The following JAKMIP2 variants were observed in gnomAD, a reference collection of about 807,000 sequenced individuals.
The protein encoded by JAKMIP2 is janus kinase and microtubule-interacting protein 2.
Under a neutral mutation model 115.0 loss-of-function variants are expected in JAKMIP2, and 25 were observed. The observed-to-expected ratio is 0.22, with a 90% CI of 0.16 to 0.30. The LOEUF (loss-of-function observed/expected upper bound fraction) is 0.30. Ranked by LOEUF, JAKMIP2 falls within the 10% of genes least tolerant of loss-of-function variation. The pLI is 1.00. For missense variants in JAKMIP2, 642 were observed against 957.6 expected, an observed-to-expected ratio of 0.67 and a Z score of 4.35; for synonymous variants, 334 against 343.6, an observed-to-expected ratio of 0.97 and a Z score of 0.31.
intron 2 of JAKMIP2, among the ~76,000 whole-genome samples, chr5:147,663,740 C>T (rs1441681115): frequency 2.0e-5 from 3 of 152,118 alleles, no homozygotes; most frequent in East Asian, 1.9e-4. Flanking sequence ...CAATTATTCC[C>T]ATGATGGTTA....
At chr5:147,612,534 A>G (rs1756385325) in intron 19 of JAKMIP2, among the ~76,000 whole-genome samples, 163 bp from the exon 20 acceptor site, 1 of 152,218 alleles carries the variant, frequency 6.6e-6, no homozygotes, top group African/African-American at 2.4e-5. Flanking sequence ...AACATGTTGC[A>G]TGTTTCAGAA....
rs537362347 is a variant in JAKMIP2, at chr5:147,590,840, A to G, written c.*867T>C. On this transcript the variant is annotated 3_prime_UTR_variant, in exon 22 of 22. Transcript: ENST00000616793. ...TATCATCTTCTTAGTTTTCAATATG[A>G]ATGAGATCAGTCCATTGTTGATAGA... is the stretch of plus-strand genomic sequence containing the variant. 1 of 152,328 alleles carries G rather than the reference A, an allele frequency of 6.6e-6. No individual in the cohort carries two copies. The highest frequency in any genetic ancestry group is 6.5e-5 in the Admixed American group (1 of 15,296). The allele number at this position is 152,328 out of a possible 1,614,324, so 9.4% of individuals were successfully genotyped here.
intron 3 of JAKMIP2, among the ~76,000 whole-genome samples, chr5:147,654,725 C>G (rs1758588889): frequency 6.6e-6 from 1 of 152,046 alleles, no homozygotes; most frequent in African/African-American, 2.4e-5. Context: ...GCCTGATTAC[C>G]CTGGCCAGAG....
chr5:147,648,529 G>T, intron 4 of JAKMIP2, 55 bp from the exon 5 acceptor site: 1 of 963,040 alleles, frequency 1.0e-6, no homozygotes, highest in South Asian at 1.3e-5. Flanking sequence ...CACAAAGTTT[G>T]GGAATATCAC....
chr5:147,605,327 A>G (rs1299284258), intron 20 of JAKMIP2, among the ~76,000 whole-genome samples: 1 of 149,570 alleles, frequency 6.7e-6, no homozygotes, highest in African/African-American at 2.5e-5. Context: ...CTCCTGCCTC[A>G]GCCTCTCCAG....
At chr5:147,782,328 T>C (rs1755791024) in intron 1 of JAKMIP2, 128 bp downstream of exon 1, 3 of 909,806 alleles carry the variant, frequency 3.3e-6, no homozygotes, top group Admixed American at 2.0e-5. Context: ...TCCTCATCTC[T>C]GTCTCCACAT....
intron 2 of JAKMIP2, among the ~76,000 whole-genome samples, chr5:147,664,292 C>T (rs1364601302): frequency 6.6e-6 from 1 of 152,106 alleles, no homozygotes; most frequent in Non-Finnish European, 1.5e-5. Context: ...GTTTTCCTTA[C>T]GTATCTGCTC....
At chr5:147,771,042 T>C (rs1251051988) in intron 1 of JAKMIP2, among the ~76,000 whole-genome samples, 1 of 152,166 alleles carries the variant, frequency 6.6e-6, no homozygotes, top group Non-Finnish European at 1.5e-5. Flanking sequence ...AAGCAGAGCG[T>C]TGCTGTCCTT....
At chr5:147,677,172 A>G (rs1760013193) in intron 1 of JAKMIP2, among the ~76,000 whole-genome samples, 1 of 152,198 alleles carries the variant, frequency 6.6e-6, no homozygotes, top group South Asian at 2.1e-4. Context: ...GATATGTAGT[A>G]CCTATGACAC....
chr5:147,768,675 A>G (rs1049448581), intron 1 of JAKMIP2, among the ~76,000 whole-genome samples: 1 of 152,152 alleles, frequency 6.6e-6, no homozygotes, highest in African/African-American at 2.4e-5. Flanking sequence ...ACAATGCGTA[A>G]TAAACAGCAT....
At chr5:147,591,999 A>C (rs185089100) in intron 21 of JAKMIP2, among the ~76,000 whole-genome samples, 4 of 152,306 alleles carry the variant, frequency 2.6e-5, no homozygotes, top group Admixed American at 2.6e-4. Context: ...ATAGCTAAGA[A>C]GTTAAATTGA....
intron 4 of JAKMIP2, among the ~76,000 whole-genome samples, chr5:147,649,421 T>C (rs1758285536): frequency 6.6e-6 from 1 of 152,174 alleles, no homozygotes; most frequent in South Asian, 2.1e-4. Flanking sequence ...GGTACTACTA[T>C]AGCTTCTATT....
At chr5:147,684,740 C>T (rs752985197) in intron 1 of JAKMIP2, among the ~76,000 whole-genome samples, 11 of 152,026 alleles carry the variant, frequency 7.2e-5, no homozygotes, top group Middle Eastern at 3.2e-3. Context: ...AGAAGAGGCA[C>T]GCTCTATTTT....
chr5:147,763,125 C>G (rs13183927), intron 1 of JAKMIP2, among the ~76,000 whole-genome samples: 49,810 of 151,946 alleles, frequency 0.33, 8,287 homozygotes, highest in Admixed American at 0.38. Context: ...CACCAGACCA[C>G]AGGCAGCCAG....
chr5:147,676,049 C>T (rs1303215994), intron 1 of JAKMIP2, among the ~76,000 whole-genome samples: 1 of 152,020 alleles, frequency 6.6e-6, no homozygotes, highest in Non-Finnish European at 1.5e-5. Context: ...AAGAGAGTGC[C>T]TGGACCGGGT....
At chr5:147,600,274 T>C (rs1223489725) in intron 21 of JAKMIP2, among the ~76,000 whole-genome samples, 1 of 152,026 alleles carries the variant, frequency 6.6e-6, no homozygotes, top group Non-Finnish European at 1.5e-5. Flanking sequence ...CAAAGGATAG[T>C]GGTCAATCTG....
chr5:147,760,619 A>G (rs923411342), intron 1 of JAKMIP2, among the ~76,000 whole-genome samples: 5 of 152,268 alleles, frequency 3.3e-5, no homozygotes, highest in Admixed American at 2.6e-4. Context: ...AAGCCCAACT[A>G]GGGCAGCTGT....
rs150351936 is a variant in JAKMIP2 at position 147,702,993 on chromosome 5, A to G, written c.-148-31039T>C. Among the ~76,000 whole-genome samples the G allele has an allele frequency of 3.5e-3, 530 of 152,320 alleles. 2 individuals carry two copies. Among genetic ancestry groups the G allele is most frequent in the Admixed American group, 4.9e-3 (75 of 15,290 alleles). ...CAAAGAAGTAAAGAATCTCAGAGAT[A>G]AAGAAGATACCCAGGGAAATGTTTT... On this transcript the variant is annotated intron_variant, in intron 1 of 21. Coordinates refer to ENST00000616793, the MANE Select transcript of JAKMIP2 (RefSeq NM_001270941.2).
At chr5:147,599,675 C>T (rs575621082) in intron 21 of JAKMIP2, among the ~76,000 whole-genome samples, 5 of 152,216 alleles carry the variant, frequency 3.3e-5, no homozygotes, top group South Asian at 2.1e-4. Context: ...AAATAGATGA[C>T]GCTTCTGATG....
Sources: allele counts gnomAD v4.1 joint callset (sites outside exome capture counted in the v4.1 genomes callset), GRCh38; gene constraint gnomAD v4.1.1; transcripts MANE v1.5; gene names NCBI Gene and HGNC (gene_info 2026-07-23, HGNC 2026-07-21).